CNTN1: variants seen among roughly 807,000 people sequenced by gnomAD.
CNTN1 encodes contactin-1.
Under a neutral mutation model 126.4 loss-of-function variants are expected in CNTN1, and 38 were observed. The observed-to-expected ratio is 0.30, with a 90% CI of 0.23 to 0.39. CNTN1 has a LOEUF of 0.39. CNTN1 is among the 10% of genes least tolerant of loss of function. The probability of loss-of-function intolerance (pLI) is 1.00; values close to 1 mark genes in which losing one functional copy is unlikely to be tolerated. For missense variants in CNTN1, 1,009 were observed against 1,248.4 expected, an observed-to-expected ratio of 0.81 and a Z score of 2.89; for synonymous variants, 413 against 422.6, an observed-to-expected ratio of 0.98 and a Z score of 0.28.
At chr12:40,750,188 T>C in intron 1 of CNTN1, among the ~76,000 whole-genome samples, 1 of 152,040 alleles carries the variant, frequency 6.6e-6, no homozygotes, top group East Asian at 1.9e-4. Flanking sequence ...ATGTGGGATC[T>C]AGGAAGGCTG....
intron 12 of CNTN1, among the ~76,000 whole-genome samples, chr12:40,943,033 C>T (rs1330133175): frequency 2.0e-5 from 3 of 151,946 alleles, no homozygotes; most frequent in Non-Finnish European, 2.9e-5. Context: ...TACAATAAAA[C>T]TTAGTGAGTT....
intron 1 of CNTN1, among the ~76,000 whole-genome samples, chr12:40,745,192 C>A (rs1565677023): frequency 1.3e-5 from 2 of 152,102 alleles, no homozygotes; most frequent in African/African-American, 2.4e-5. Flanking sequence ...TTATCAGTTT[C>A]TCATTTTTCC....
At chr12:41,040,827 G>A (rs2120943725) in intron 23 of CNTN1, among the ~76,000 whole-genome samples, 1 of 147,328 alleles carries the variant, frequency 6.8e-6, no homozygotes, top group Non-Finnish European at 1.5e-5. Context: ...GAGACAATGG[G>A]GTTTTCTAGA....
At chr12:40,972,259 A>AT (rs1947538727) in intron 15 of CNTN1, 2 of 985,080 alleles carry the variant, frequency 2.0e-6, no homozygotes, top group Admixed American at 1.2e-4. Context: ...GAAGGTTGTG[A>AT]TTTTTACTGG....
At chr12:40,768,383 C>T (rs1939205632) in intron 1 of CNTN1, among the ~76,000 whole-genome samples, 1 of 152,182 alleles carries the variant, frequency 6.6e-6, no homozygotes, top group South Asian at 2.1e-4. Flanking sequence ...TTTGTTAAAA[C>T]ACCTGTTTGT....
At chr12:40,819,110 G>A (rs892090524) in intron 1 of CNTN1, among the ~76,000 whole-genome samples, 3 of 152,126 alleles carry the variant, frequency 2.0e-5, no homozygotes, top group Non-Finnish European at 4.4e-5. Context: ...TAGTAGGATC[G>A]CTCCTGTATA....
In CNTN1 at chr12:40,933,553, C is replaced by T; in HGVS notation, c.796C>T (p.Leu266Phe). The stretch of plus-strand genomic sequence containing the variant: ...AAATGTGACCTTAGAATGTTTTGCA[C>T]TTGGAAAGTAAGTATACTGACACTT... ...GQNVTLECFA[L>F]GNPVPDIRWR... Residue 266 changes from leucine (L) to phenylalanine (F), a missense_variant, in exon 8 of 24, where the codon CTT becomes TTT. Physicochemically the swap from Leu to Phe is conservative, Grantham distance 22 (BLOSUM62 0). Coordinates refer to ENST00000551295, the MANE Select transcript of CNTN1 (RefSeq NM_001843.4). 6.2e-7 allele frequency: 1 copy of T among 1,604,804 alleles called. No individual in the cohort carries two copies. The highest frequency in any genetic ancestry group is 8.5e-7 in the Non-Finnish European group (1 of 1,171,996).
chr12:40,898,235 C>G (rs996384495), intron 1 of CNTN1, among the ~76,000 whole-genome samples: 7 of 152,070 alleles, frequency 4.6e-5, no homozygotes, highest in Non-Finnish European at 1.0e-4. Flanking sequence ...GAAATTCCCT[C>G]CCTGAATAAA....
At chr12:40,786,059 CAT>C (rs1940006480) in intron 1 of CNTN1, among the ~76,000 whole-genome samples, 1 of 152,188 alleles carries the variant, frequency 6.6e-6, no homozygotes, top group Non-Finnish European at 1.5e-5. Flanking sequence ...TCTGTAAAAA[CAT>C]AGTTCTGTAG....
intron 14 of CNTN1, among the ~76,000 whole-genome samples, chr12:40,948,258 CTTTTTTTTTTTT>C (rs58087551): frequency 3.2e-5 from 2 of 62,682 alleles, no homozygotes; most frequent in African/African-American, 1.3e-4. Flanking sequence ...TTCTTTCTTT[CTTTTTTTTTTTT>C]TTTTTTTTTT....
At chr12:40,752,796 A>G (rs1489386507) in intron 1 of CNTN1, among the ~76,000 whole-genome samples, 3 of 152,144 alleles carry the variant, frequency 2.0e-5, no homozygotes, top group African/African-American at 7.2e-5. Context: ...TTGATTTATA[A>G]AAACAGAATT....
chr12:40,879,065 G>C (rs1943784098), intron 1 of CNTN1, among the ~76,000 whole-genome samples: 1 of 152,086 alleles, frequency 6.6e-6, no homozygotes, highest in South Asian at 2.1e-4. Flanking sequence ...TCCCAGCCTT[G>C]GTTTATTCAG....
chr12:41,014,782 A>G (rs187589383), intron 18 of CNTN1, among the ~76,000 whole-genome samples: 81 of 152,318 alleles, frequency 5.3e-4, no homozygotes, highest in East Asian at 3.7e-3. Flanking sequence ...GAGGTATCCA[A>G]AGCATTTTAT....
intron 1 of CNTN1, among the ~76,000 whole-genome samples, chr12:40,698,326 C>T (rs143763128): frequency 0.021 from 3,117 of 148,776 alleles, 46 homozygotes; most frequent in Middle Eastern, 0.031. Flanking sequence ...AGCTCCGCCT[C>T]CTGGGTTCAC....
chr12:40,937,127 A>AT (rs1462084226), intron 10 of CNTN1, among the ~76,000 whole-genome samples: 1 of 151,364 alleles, frequency 6.6e-6, no homozygotes, highest in African/African-American at 2.4e-5. Context: ...CTCTCTCCTT[A>AT]TTTTTTTCCT....
intron 1 of CNTN1, among the ~76,000 whole-genome samples, chr12:40,702,144 C>A (rs929796282): frequency 1.3e-5 from 2 of 151,242 alleles, no homozygotes; most frequent in Non-Finnish European, 2.9e-5. Context: ...CTCTGTTGCC[C>A]AGCCTGTTCT....
chr12:41,037,283 T>A (rs1202807022), intron 23 of CNTN1, among the ~76,000 whole-genome samples: 2 of 152,164 alleles, frequency 1.3e-5, no homozygotes, highest in African/African-American at 2.4e-5. Flanking sequence ...AGGTCATGCA[T>A]CACATAACAA....
intron 1 of CNTN1, among the ~76,000 whole-genome samples, chr12:40,797,366 C>T (rs1388154579): frequency 6.6e-6 from 1 of 151,912 alleles, no homozygotes; most frequent in Non-Finnish European, 1.5e-5. Context: ...TAAATAACAA[C>T]CTCAGATAAG....
intron 1 of CNTN1, among the ~76,000 whole-genome samples, chr12:40,761,019 T>C (rs559286718): frequency 6.6e-6 from 1 of 152,278 alleles, no homozygotes; most frequent in East Asian, 1.9e-4. Flanking sequence ...TCAAACTAAA[T>C]AGGTTTTCTG....
Sources: gnomAD v4.1 joint callset for allele counts (sites outside exome capture counted in the v4.1 genomes callset) on GRCh38, gnomAD v4.1.1 for gene constraint, MANE v1.5 for transcripts, NCBI Gene and HGNC (gene_info 2026-07-23, HGNC 2026-07-21) for gene names.